Variants in AMBRA1 observed in about 807,000 individuals in gnomAD.
AMBRA1 encodes activating molecule in BECN1-regulated autophagy protein 1.
In AMBRA1, 47 loss-of-function variants were observed where a neutral mutation model predicts 125.4. That is an observed-to-expected ratio of 0.37 (90% CI 0.30 to 0.48). AMBRA1 has a LOEUF of 0.48. Ranked by LOEUF, AMBRA1 falls within the 20% of genes least tolerant of loss-of-function variation. The probability of loss-of-function intolerance (pLI) is 0.99; values close to 1 mark genes in which losing one functional copy is unlikely to be tolerated. For synonymous variants in AMBRA1, 626 were observed against 655.5 expected, an observed-to-expected ratio of 0.95 and a Z score of 0.69; for missense variants, 1,331 against 1,693.4, an observed-to-expected ratio of 0.79 and a Z score of 3.76.
At chr11:46,455,515 A>C (rs1043361234) in intron 11 of AMBRA1, among the ~76,000 whole-genome samples, 1 of 152,222 alleles carries the variant, frequency 6.6e-6, no homozygotes, top group African/African-American at 2.4e-5. Context: ...AATCAGAATA[A>C]TATTCAACTC....
intron 11 of AMBRA1, among the ~76,000 whole-genome samples, chr11:46,457,644 T>C (rs1948908260): frequency 6.6e-6 from 1 of 152,160 alleles, no homozygotes; most frequent in South Asian, 2.1e-4. Flanking sequence ...CTCACGCCTA[T>C]AATCCCAGCA....
intron 17 of AMBRA1, among the ~76,000 whole-genome samples, chr11:46,400,498 TTTTTTTTTTTTG>T: frequency 2.0e-5 from 2 of 100,456 alleles, no homozygotes; most frequent in African/African-American, 4.4e-5. Flanking sequence ...TTTTTTTTTT[TTTTTTTTTTTTG>T]AGACCAGGTC....
intron 11 of AMBRA1, among the ~76,000 whole-genome samples, chr11:46,473,852 G>A (rs111705135): frequency 0.012 from 1,871 of 152,268 alleles, 44 homozygotes; most frequent in African/African-American, 0.042. Context: ...GTGTTTCACC[G>A]TGTTAGCCAC....
intron 15 of AMBRA1, among the ~76,000 whole-genome samples, chr11:46,410,702 C>T (rs763079832): frequency 1.3e-5 from 2 of 152,142 alleles, no homozygotes; most frequent in African/African-American, 2.4e-5. Context: ...ATTCTTCAGA[C>T]ACAGAGAAAG....
chr11:46,504,066 C>A (rs1248627241), intron 9 of AMBRA1, among the ~76,000 whole-genome samples: 1 of 152,154 alleles, frequency 6.6e-6, no homozygotes, highest in East Asian at 1.9e-4. Context: ...CAGATATTTG[C>A]GACTGATCTA....
chr11:46,571,998 A>G (rs893946664), intron 1 of AMBRA1, among the ~76,000 whole-genome samples: 1 of 152,028 alleles, frequency 6.6e-6, no homozygotes, highest in Non-Finnish European at 1.5e-5. Context: ...CAATCAATCA[A>G]TATCTTAAAA....
At chr11:46,472,592 C>T (rs74821485) in intron 11 of AMBRA1, among the ~76,000 whole-genome samples, 3 of 152,108 alleles carry the variant, frequency 2.0e-5, no homozygotes, top group African/African-American at 7.2e-5. Context: ...GGAGAACAAC[C>T]TGTCAACTTC....
chr11:46,501,579 C>G (rs1250027590), intron 9 of AMBRA1, among the ~76,000 whole-genome samples: 1 of 152,200 alleles, frequency 6.6e-6, no homozygotes, highest in Admixed American at 6.5e-5. Flanking sequence ...AGGGCACTGA[C>G]CATATTTGTT....
chr11:46,470,076 T>C (rs1291537351), intron 11 of AMBRA1, among the ~76,000 whole-genome samples: 1 of 152,182 alleles, frequency 6.6e-6, no homozygotes, highest in Non-Finnish European at 1.5e-5. Flanking sequence ...TAATCAGTTA[T>C]ATAAATAAGA....
chr11:46,434,786 A>G, intron 13 of AMBRA1, 63 bp downstream of exon 13: 1 of 1,497,542 alleles, frequency 6.7e-7, no homozygotes, highest in Non-Finnish European at 9.0e-7. Flanking sequence ...TGCCTCACCT[A>G]GCAATGACCA....
At chr11:46,590,499 TAATAAA>T (rs1455913645) in intron 1 of AMBRA1, among the ~76,000 whole-genome samples, 1 of 152,040 alleles carries the variant, frequency 6.6e-6, no homozygotes, top group Non-Finnish European at 1.5e-5. Context: ...ACTACTTTAT[TAATAAA>T]AATAATCAAT....
chr11:46,410,833 T>C (rs1946251185), intron 15 of AMBRA1, among the ~76,000 whole-genome samples: 1 of 152,198 alleles, frequency 6.6e-6, no homozygotes, highest in African/African-American at 2.4e-5. Context: ...CAGGCGCCAG[T>C]GGCTCACGCC....
At chr11:46,588,058 T>A (rs1018343234) in intron 1 of AMBRA1, among the ~76,000 whole-genome samples, 2 of 152,080 alleles carry the variant, frequency 1.3e-5, no homozygotes, top group African/African-American at 4.8e-5. Flanking sequence ...GGAGGATGGG[T>A]GCTGTGGCTC....
At chr11:46,493,529 ACATAGG>A (rs1950535103) in intron 11 of AMBRA1, 73 bp downstream of exon 11, 12 of 1,161,820 alleles carry the variant, frequency 1.0e-5, no homozygotes, top group Admixed American at 5.0e-5. Context: ...CATCACATCA[ACATAGG>A]TAAAGGAGGG....
At chr11:46,577,883 G>A (rs1368516951) in intron 1 of AMBRA1, among the ~76,000 whole-genome samples, 1 of 152,128 alleles carries the variant, frequency 6.6e-6, no homozygotes, top group Non-Finnish European at 1.5e-5. Context: ...CCAGGAGGAG[G>A]AGGTTGCAGT....
At chr11:46,472,032 G>A (rs1949621256) in intron 11 of AMBRA1, among the ~76,000 whole-genome samples, 1 of 152,110 alleles carries the variant, frequency 6.6e-6, no homozygotes, top group African/African-American at 2.4e-5. Context: ...TTATGTTCTT[G>A]GAAAAGCTGA....
intron 11 of AMBRA1, among the ~76,000 whole-genome samples, chr11:46,455,739 T>C (rs1948820891): frequency 6.6e-6 from 1 of 152,250 alleles, no homozygotes; most frequent in African/African-American, 2.4e-5. Flanking sequence ...TTCAATCACA[T>C]TGCCTTGAAC....
chr11:46,523,334 A>G (rs1951836382), intron 7 of AMBRA1, among the ~76,000 whole-genome samples: 1 of 152,184 alleles, frequency 6.6e-6, no homozygotes, highest in South Asian at 2.1e-4. Context: ...ACTCTACTGA[A>G]ATAATTTCTC....
chr11:46,450,986 G>C (rs371932809), intron 11 of AMBRA1, among the ~76,000 whole-genome samples: 1 of 152,130 alleles, frequency 6.6e-6, no homozygotes, highest in East Asian at 1.9e-4. Flanking sequence ...GGAACTGTCT[G>C]TATTTTCCAC....
Sources: gnomAD v4.1 joint callset for allele counts (sites outside exome capture counted in the v4.1 genomes callset) on GRCh38, gnomAD v4.1.1 for gene constraint, MANE v1.5 for transcripts, NCBI Gene and HGNC (gene_info 2026-07-23, HGNC 2026-07-21) for gene names.